CMTM4: variants seen among roughly 807,000 people sequenced by gnomAD.
CMTM4 encodes the protein CKLF-like MARVEL transmembrane domain-containing protein 4.
In CMTM4, 8 loss-of-function variants were observed where a neutral mutation model predicts 19.0. The observed-to-expected ratio is 0.42, with a 90% CI of 0.25 to 0.76. The LOEUF (loss-of-function observed/expected upper bound fraction) is 0.76. CMTM4 is among the 30% of genes least tolerant of loss of function. The probability of loss-of-function intolerance (pLI) is 0.27; values close to 1 mark genes in which losing one functional copy is unlikely to be tolerated. For missense variants in CMTM4, 228 were observed against 290.2 expected (o/e 0.79, Z 1.56); for synonymous variants, 106 against 121.1 (o/e 0.88, Z 0.82).
At chr16:66,673,131 G>T (rs1452437326) in intron 1 of CMTM4, among the ~76,000 whole-genome samples, 1 of 138,146 alleles carries the variant, frequency 7.2e-6, no homozygotes. Context: ...TCACATGTTG[G>T]CCAGGCTGGT....
At position 66,620,285 on chromosome 16, in the gene CMTM4, C is replaced by A. The variant is rs2015605963; in HGVS notation, c.*1773G>T. The A allele has an allele frequency of 1.0e-6, 1 of 985,428 alleles. No homozygotes were observed. Among genetic ancestry groups the A allele is most frequent in the Admixed American group, 6.1e-5 (1 of 16,288 alleles). The allele number at this position is 985,428 out of a possible 1,614,324, so 61.0% of individuals were successfully genotyped here. On this transcript the variant is annotated 3_prime_UTR_variant, in exon 4 of 4. Transcript: ENST00000394106. Reference sequence around the variant, plus strand: ...AAACACACTCAACAGACCTGACAGGCAGCACACCCAGCTGTGAGCTGGCCT... The same window carrying A: ...AAACACACTCAACAGACCTGACAGGAAGCACACCCAGCTGTGAGCTGGCCT...
downstream of CMTM4, among the ~76,000 whole-genome samples, chr16:66,612,286 A>C (rs2015405602): frequency 6.6e-6 from 1 of 152,090 alleles, no homozygotes; most frequent in South Asian, 2.1e-4. The surrounding 1 kb of genome is among the most constrained non-coding windows in gnomAD (Gnocchi z 6.0). Context: ...CACGCTTATA[A>C]TCCCAGCTAC....
chr16:66,693,534 G>C (rs368707728), intron 1 of CMTM4, among the ~76,000 whole-genome samples: 2 of 152,234 alleles, frequency 1.3e-5, no homozygotes, highest in African/African-American at 4.8e-5. Context: ...ATTTCTTGGA[G>C]TTTTGTGGGA....
At chr16:66,643,422 A>G (rs1438838625) in intron 1 of CMTM4, among the ~76,000 whole-genome samples, 1 of 152,192 alleles carries the variant, frequency 6.6e-6, no homozygotes, top group African/African-American at 2.4e-5. Context: ...CATGAGATAA[A>G]CTGTCCTATG....
At chr16:66,679,694 G>A (rs946823016) in intron 1 of CMTM4, among the ~76,000 whole-genome samples, 1 of 151,852 alleles carries the variant, frequency 6.6e-6, no homozygotes, top group African/African-American at 2.4e-5. Context: ...CGTGGTGCTG[G>A]GTGCCTGTAA....
downstream of CMTM4, among the ~76,000 whole-genome samples, chr16:66,611,219 G>A (rs1000626248): frequency 2.0e-5 from 3 of 152,198 alleles, no homozygotes; most frequent in African/African-American, 2.4e-5. Context: ...TTGGGAGGCC[G>A]AGACGGGTGG....
chr16:66,646,748 C>T (rs2016209769), intron 1 of CMTM4, among the ~76,000 whole-genome samples: 1 of 150,816 alleles, frequency 6.6e-6, no homozygotes, highest in African/African-American at 2.4e-5. Context: ...GCTGTGTTAC[C>T]CAGGCTGAAG....
At chr16:66,688,184 T>C (rs1268760985) in intron 1 of CMTM4, among the ~76,000 whole-genome samples, 1 of 152,122 alleles carries the variant, frequency 6.6e-6, no homozygotes, top group Non-Finnish European at 1.5e-5. Context: ...ATCCCATTCA[T>C]GAGGGCTGAG....
chr16:66,671,101 GATATTT>G (rs1259483202), intron 1 of CMTM4, among the ~76,000 whole-genome samples: 1 of 152,160 alleles, frequency 6.6e-6, no homozygotes, highest in African/African-American at 2.4e-5. Context: ...TAAAAAAACT[GATATTT>G]ATATTACAGA....
In CMTM4 at chr16:66,696,401, C is replaced by T; in HGVS notation, c.125G>A (p.Gly42Asp). 7.1e-7 allele frequency: 1 copy of T among 1,411,800 alleles called. No homozygotes were observed. Among genetic ancestry groups the T allele is most frequent in the East Asian group, 3.2e-5 (1 of 31,520 alleles). 87.5% of individuals were successfully genotyped at this position (1,411,800 alleles called of 1,614,324 possible). ...CAGGTAGTCGGGGTCGCAGCGCAGGCCGGCCAGCCCGCGGCGCTGGCTCAC... is the reference window on the plus strand; with the variant it reads ...CAGGTAGTCGGGGTCGCAGCGCAGGTCGGCCAGCCCGCGGCGCTGGCTCAC... ...EPVSQRRGLAGLRCDPDYLRG... is the reference protein window; with the variant it reads ...EPVSQRRGLADLRCDPDYLRG... Residue 42 changes from glycine to aspartate, a missense_variant, in exon 1 of 4, where the codon GGC (glycine) becomes GAC (aspartate). Gly to Asp is a moderately conservative substitution (Grantham distance 94). Around this residue, in one of 3 missense-constraint regions of CMTM4, gnomAD observed 200 missense variants for 226.6 expected, o/e 0.88. Transcript: ENST00000394106. The surrounding 1 kb of genome is among the most constrained non-coding windows in gnomAD (Gnocchi z 4.3).
In CMTM4 at chr16:66,619,858, G is replaced by A. The variant is rs578187918; in HGVS notation, c.*2200C>T. ...TAAATAATTCTGAAGAGTCTATCAC[G>A]AAGATGCAAATTAACTCCTAAGTCA... On this transcript the variant is annotated 3_prime_UTR_variant, in exon 4 of 4. Transcript: ENST00000394106. The A allele has an allele frequency of 1.8e-5, 18 of 985,344 alleles. No individual in the cohort carries two copies. In the East Asian group the frequency reaches 5.7e-4, roughly 31 times the overall value. 61.0% of individuals were successfully genotyped at this position (985,344 alleles called of 1,614,324 possible).
At chr16:66,656,975 A>G (rs747721774) in intron 1 of CMTM4, among the ~76,000 whole-genome samples, 28 of 152,220 alleles carry the variant, frequency 1.8e-4, no homozygotes, top group Non-Finnish European at 3.8e-4. Flanking sequence ...CAACTAAATG[A>G]CAACATGATC....
At chr16:66,649,813 G>A (rs1482934110) in intron 1 of CMTM4, among the ~76,000 whole-genome samples, 1 of 152,106 alleles carries the variant, frequency 6.6e-6, no homozygotes, top group African/African-American at 2.4e-5. Context: ...GCTTCTTTCA[G>A]GGCCCCTAAT....
chr16:66,657,051 TAGC>T (rs2016409323), intron 1 of CMTM4, among the ~76,000 whole-genome samples: 1 of 151,698 alleles, frequency 6.6e-6, no homozygotes, highest in Non-Finnish European at 1.5e-5. Flanking sequence ...GTCTACAGAT[TAGC>T]TAAGAGTACT....
chr16:66,680,098 T>G (rs1337754235), intron 1 of CMTM4, among the ~76,000 whole-genome samples: 8 of 152,216 alleles, frequency 5.3e-5, no homozygotes, highest in Non-Finnish European at 1.2e-4. Context: ...CACATAGCAA[T>G]GCACACTTCA....
chr16:66,629,849 C>T (rs976768016), intron 2 of CMTM4, among the ~76,000 whole-genome samples: 13 of 152,200 alleles, frequency 8.5e-5, no homozygotes, highest in Non-Finnish European at 1.5e-4. Context: ...TGGGGAGCTT[C>T]TGAGTGGAGC....
intron 1 of CMTM4, among the ~76,000 whole-genome samples, chr16:66,650,677 G>A (rs1265816432): frequency 6.6e-6 from 1 of 152,164 alleles, no homozygotes; most frequent in Non-Finnish European, 1.5e-5. Flanking sequence ...ATACATGGAT[G>A]TTACAAGAGC....
rs144967543 is a variant in CMTM4 at position 66,622,422 on chromosome 16, G to A, written c.463-200C>T. 3.9e-5 allele frequency among the ~76,000 whole-genome samples: 6 copies of A among 152,252 alleles called. No homozygotes were observed. In the East Asian group the frequency reaches 9.7e-4, roughly 25 times the overall value. The stretch of plus-strand genomic sequence containing the variant: ...TTGTTTCAAATACATATGACGGGGT[G>A]GCTCAGAGTCAAAGGGAAGCCTGTG... On this transcript the variant is annotated intron_variant, in intron 3 of 3. Transcript: ENST00000394106. This position sits in a 1 kb window ranked among gnomAD's most constrained non-coding sequence, Gnocchi z 4.0.
chr16:66,601,264 C>T, the CMTM4 span, among the ~76,000 whole-genome samples: 1 of 152,124 alleles, frequency 6.6e-6, no homozygotes, highest in South Asian at 2.1e-4. Context: ...ATGAGGTACA[C>T]AGACAAGTGG....
Sources: gnomAD v4.1 joint callset for allele counts (sites outside exome capture counted in the v4.1 genomes callset) on GRCh38, gnomAD v4.1.1 for gene constraint, gnomAD v4.1.1 regional missense constraint, Gnocchi (gnomAD v3.1) non-coding constraint, MANE v1.5 for transcripts, NCBI Gene and HGNC (gene_info 2026-07-23, HGNC 2026-07-21) for gene names.